The following DUSP16 variants were observed in gnomAD, a reference collection of about 807,000 sequenced individuals.
DUSP16 encodes the protein dual specificity protein phosphatase 16.
Under a neutral mutation model 58.3 loss-of-function variants are expected in DUSP16, and 21 were observed. The ratio of observed to expected loss-of-function variants is 0.36; its 90% CI spans 0.26 to 0.52. The LOEUF is 0.52. DUSP16 is among the 20% of genes least tolerant of loss of function. DUSP16 has a pLI of 0.94. For synonymous variants in DUSP16, 320 were observed against 323.8 expected, an observed-to-expected ratio of 0.99 and a Z score of 0.12; for missense variants, 726 against 819.0, an observed-to-expected ratio of 0.89 and a Z score of 1.39.
chr12:12,537,054 G>A (rs1010818075), intron 1 of DUSP16, among the ~76,000 whole-genome samples: 1 of 152,092 alleles, frequency 6.6e-6, no homozygotes. Context: ...AAAAAAACAG[G>A]CTGAAATAAA....
chr12:12,512,283 T>A (rs1379965452), intron 3 of DUSP16, among the ~76,000 whole-genome samples: 2 of 152,196 alleles, frequency 1.3e-5, no homozygotes, highest in African/African-American at 4.8e-5. Context: ...GATATACATA[T>A]ACACTTGGAA....
chr12:12,479,261 T>C (rs1251833408), intron 6 of DUSP16, among the ~76,000 whole-genome samples: 1 of 144,078 alleles, frequency 6.9e-6, no homozygotes, highest in Non-Finnish European at 1.5e-5. Flanking sequence ...AAAATTTGCA[T>C]TTGAATAAGG....
intron 4 of DUSP16, chr12:12,491,576 CTT>C (rs989152974): frequency 5.9e-5 from 9 of 152,178 alleles, no homozygotes; most frequent in African/African-American, 1.9e-4. Context: ...ACATCATAAT[CTT>C]TAAGCTTCTA....
In DUSP16 at chr12:12,477,415, C is replaced by G; in HGVS notation, c.1416G>C (p.Gln472His). 6.2e-7 allele frequency: 1 copy of G among 1,609,646 alleles called. No homozygotes were observed. The highest frequency in any genetic ancestry group is 8.5e-7 in the Non-Finnish European group (1 of 1,177,514). The change falls in exon 7 of 7, where the codon CAG becomes CAC. Residue 472 changes from glutamine (Q) to histidine (H), a missense_variant. Coordinates refer to ENST00000298573, the MANE Select transcript of DUSP16 (RefSeq NM_030640.3). The surrounding 1 kb of genome is among the most constrained non-coding windows in gnomAD (Gnocchi z 4.1). ...KEEASIPKKL[Q>H]TARPSDSQSK... ...TCTGGCTGTCTGAAGGCCTGGCGGTCTGCAGCTTCTTGGGGATGCTGGCTT... is the reference window on the plus strand; with the variant it reads ...TCTGGCTGTCTGAAGGCCTGGCGGTGTGCAGCTTCTTGGGGATGCTGGCTT...
chr12:12,562,848 A>G lies in DUSP16; in HGVS notation c.-1097T>C, dbSNP rs1172717341. ...GAGGGGTCAGGTCATGTTCCCTTCC[A>G]GAGTCCGGCGACTCTGAGGCAGGTT... On this transcript the variant is annotated 5_prime_UTR_variant, in exon 1 of 7. Coordinates refer to ENST00000298573, the MANE Select transcript of DUSP16 (RefSeq NM_030640.3). 2.6e-5 allele frequency among the ~76,000 whole-genome samples: 4 copies of G among 151,836 alleles called. No individual in the cohort carries two copies. The East Asian group carries it at 7.8e-4, about 30-fold the overall frequency.
intron 1 of DUSP16, among the ~76,000 whole-genome samples, chr12:12,558,851 G>A (rs1166315297): frequency 6.6e-6 from 1 of 152,036 alleles, no homozygotes; most frequent in Non-Finnish European, 1.5e-5. Flanking sequence ...GATGTATTCT[G>A]TTCCCTTCCT....
At chr12:12,521,528 T>A in intron 1 of DUSP16, 65 bp from the exon 2 acceptor site, 5 of 684,418 alleles carry the variant, frequency 7.3e-6, no homozygotes, top group Non-Finnish European at 9.2e-6. Context: ...GAGTGTCAGA[T>A]TAGAGAGAGT....
rs1943540567 is a variant in DUSP16, at chr12:12,480,338, T to C, written c.700A>G (p.Lys234Glu). The C allele has an allele frequency of 1.2e-6, 2 of 1,613,652 alleles. No individual in the cohort carries two copies. The highest frequency in any genetic ancestry group is 1.7e-5 in the Admixed American group (1 of 59,892). ...DKSVDFIEKA[K>E]ASNGCVLVHC... ...ACTAGAACACATCCATTGGAGGCTT[T>C]TGCTTTCTCTGTATAAGTCAAATGC... The change falls in exon 6 of 7, where the codon AAA (lysine) becomes GAA (glutamate). Residue 234 changes from lysine (K) to glutamate (E), a missense_variant. Lys to Glu is a moderately conservative substitution (Grantham distance 56, BLOSUM62 1). Coordinates refer to ENST00000298573, the MANE Select transcript of DUSP16 (RefSeq NM_030640.3).
chr12:12,510,056 C>T (rs1262978615), intron 3 of DUSP16, among the ~76,000 whole-genome samples: 5 of 152,140 alleles, frequency 3.3e-5, no homozygotes, highest in African/African-American at 4.8e-5. Context: ...CAGGACTTTA[C>T]ATAAAAGGGA....
intron 1 of DUSP16, among the ~76,000 whole-genome samples, chr12:12,541,437 T>C (rs1170489805): frequency 6.6e-6 from 1 of 152,094 alleles, no homozygotes; most frequent in African/African-American, 2.4e-5. Flanking sequence ...CCCAACAGTA[T>C]CTCCCACAAA....
intron 3 of DUSP16, among the ~76,000 whole-genome samples, chr12:12,514,853 C>A (rs1352993385): frequency 6.6e-6 from 1 of 152,064 alleles, no homozygotes; most frequent in African/African-American, 2.4e-5. Context: ...CAGACGAGGT[C>A]TCTCTCTGTT....
At chr12:12,498,971 AAAAAG>A in intron 4 of DUSP16, among the ~76,000 whole-genome samples, 1 of 152,316 alleles carries the variant, frequency 6.6e-6, no homozygotes, top group Middle Eastern at 3.4e-3. Context: ...CCAGAGTTAA[AAAAAG>A]AAAACTACTA....
chr12:12,488,028 G>A (rs537183319), intron 4 of DUSP16, among the ~76,000 whole-genome samples: 1 of 152,260 alleles, frequency 6.6e-6, no homozygotes, highest in Non-Finnish European at 1.5e-5. Context: ...CTTGAAGTTT[G>A]CAGTGGTTTT....
chr12:12,561,364 T>C (rs1048686092), intron 1 of DUSP16, among the ~76,000 whole-genome samples: 4 of 152,222 alleles, frequency 2.6e-5, no homozygotes, highest in Non-Finnish European at 4.4e-5. Context: ...TCAGATCTAC[T>C]TGCCTTTTCT....
In DUSP16 at chr12:12,559,223, T is replaced by C. The variant is rs528368067; in HGVS notation, c.-366+2894A>G. Among the ~76,000 whole-genome samples the C allele has an allele frequency of 2.6e-5, 4 of 152,376 alleles. No homozygotes were observed. In the South Asian group the frequency reaches 8.3e-4, roughly 32 times the overall value. ...TGGGCAAGACTTATTTTCCTAATTA[T>C]GTTTTTGTTTAAGCCAACATTCGGA... On this transcript the variant is annotated intron_variant, in intron 1 of 6. Transcript: ENST00000298573.
In DUSP16 at chr12:12,477,166, G is replaced by A. The variant is rs1943461364; in HGVS notation, c.1665C>T (p.Ser555=). 1 of 1,614,088 alleles carries A rather than the reference G, an allele frequency of 6.2e-7. No homozygotes were observed. Among genetic ancestry groups the A allele is most frequent in the African/African-American group, 1.3e-5 (1 of 74,938 alleles). Residue 555 remains serine, a synonymous_variant, in exon 7 of 7, where the codon AGC becomes AGT. Transcript: ENST00000298573. This position sits in a 1 kb window ranked among gnomAD's most constrained non-coding sequence, Gnocchi z 4.1. ...AGGACTCTGTGGCAAAATACCAGCT[G>A]CTGGTCAGGGAAGGGGTAGAGGTCT... The part of the protein sequence containing the change: ...APQTSTPSLT[S]SWYFATESSH...
chr12:12,521,860 G>A (rs1006507656), intron 1 of DUSP16, among the ~76,000 whole-genome samples: 1 of 152,020 alleles, frequency 6.6e-6, no homozygotes, highest in African/African-American at 2.4e-5. Context: ...AATGGCAGCT[G>A]AGGACAAAGT....
intron 4 of DUSP16, among the ~76,000 whole-genome samples, chr12:12,499,874 C>T (rs962928): frequency 0.45 from 68,755 of 151,692 alleles, 16,151 homozygotes; most frequent in East Asian, 0.7. Flanking sequence ...CTTGTACCAT[C>T]ATATACAAAG....
intron 3 of DUSP16, among the ~76,000 whole-genome samples, chr12:12,504,961 T>C (rs1943970898): frequency 6.6e-6 from 1 of 152,220 alleles, no homozygotes; most frequent in African/African-American, 2.4e-5. Context: ...GAAACACCAC[T>C]TGAATTTCAT....
Sources: gnomAD v4.1 joint callset for allele counts (sites outside exome capture counted in the v4.1 genomes callset) on GRCh38, gnomAD v4.1.1 for gene constraint, Gnocchi (gnomAD v3.1) non-coding constraint, MANE v1.5 for transcripts, NCBI Gene and HGNC (gene_info 2026-07-23, HGNC 2026-07-21) for gene names.